The following DCC variants were observed in gnomAD, a reference collection of about 807,000 sequenced individuals.
DCC encodes DCC netrin 1 receptor.
In DCC, 58 loss-of-function variants were observed where a neutral mutation model predicts 172.5. That is an observed-to-expected ratio of 0.34 (90% confidence interval 0.27 to 0.42). The LOEUF (loss-of-function observed/expected upper bound fraction) is 0.42. DCC is among the 10% of genes least tolerant of loss of function. The pLI, the probability that DCC is intolerant of heterozygous loss-of-function variation, is 1.00. For missense variants in DCC, 1,740 were observed against 1,791.0 expected (o/e 0.97, Z 0.51); for synonymous variants, 709 against 644.5 (o/e 1.10, Z -1.52).
intron 2 of DCC, among the ~76,000 whole-genome samples, chr18:52,856,391 C>T (rs891808385): frequency 2.6e-5 from 4 of 151,194 alleles, no homozygotes; most frequent in Admixed American, 1.3e-4. Flanking sequence ...TTTGGGAGGC[C>T]GAGGCGGGCG....
chr18:53,311,115 T>C (rs2057261966), intron 13 of DCC, among the ~76,000 whole-genome samples: 1 of 111,204 alleles, frequency 9.0e-6, no homozygotes, highest in South Asian at 3.8e-4. Flanking sequence ...ATTTATTTAT[T>C]TATTTTATTT....
chr18:52,389,094 C>T (rs141424201), intron 1 of DCC, among the ~76,000 whole-genome samples: 142 of 152,184 alleles, frequency 9.3e-4, no homozygotes, highest in Non-Finnish European at 1.6e-3. Flanking sequence ...TGGCTGCATA[C>T]GCACAGGGTG....
At chr18:52,714,610 A>G (rs2145062039) in intron 1 of DCC, among the ~76,000 whole-genome samples, 1 of 152,298 alleles carries the variant, frequency 6.6e-6, no homozygotes, top group Admixed American at 6.5e-5. Context: ...TTGGATAAGC[A>G]TCTCATCCAT....
chr18:52,506,050 A>G (rs1405904270), intron 1 of DCC, among the ~76,000 whole-genome samples: 2 of 152,176 alleles, frequency 1.3e-5, no homozygotes, highest in African/African-American at 2.4e-5. Flanking sequence ...TATTAATGTG[A>G]TCATAGCATC....
intron 2 of DCC, among the ~76,000 whole-genome samples, chr18:52,882,927 G>T (rs564593339): frequency 6.6e-6 from 1 of 151,978 alleles, no homozygotes; most frequent in Admixed American, 6.6e-5. Context: ...TATATGTCTG[G>T]GTGCTCCCAC....
chr18:52,977,740 C>T (rs55704566), intron 5 of DCC, among the ~76,000 whole-genome samples: 21,091 of 151,614 alleles, frequency 0.14, 1,727 homozygotes, highest in East Asian at 0.34. Flanking sequence ...AAAAAATTAG[C>T]CGGACGTGGT....
At chr18:53,465,853 C>T (rs2045613940) in intron 24 of DCC, among the ~76,000 whole-genome samples, 1 of 152,064 alleles carries the variant, frequency 6.6e-6, no homozygotes, top group South Asian at 2.1e-4. Context: ...CAATCTCCGC[C>T]TCCCAGGTTC....
chr18:52,399,409 A>C (rs938599623), intron 1 of DCC, among the ~76,000 whole-genome samples: 1 of 151,934 alleles, frequency 6.6e-6, no homozygotes, highest in Non-Finnish European at 1.5e-5. Context: ...TTTGTTATTT[A>C]AACACATATC....
At chr18:52,488,042 T>C (rs2030318474) in intron 1 of DCC, among the ~76,000 whole-genome samples, 1 of 152,062 alleles carries the variant, frequency 6.6e-6, no homozygotes, top group Non-Finnish European at 1.5e-5. Flanking sequence ...CCCAATCAAA[T>C]GTTCCCTTAA....
At chr18:52,696,915 T>A (rs1442003985) in intron 1 of DCC, among the ~76,000 whole-genome samples, 3 of 152,136 alleles carry the variant, frequency 2.0e-5, no homozygotes, top group Non-Finnish European at 4.4e-5. Flanking sequence ...GATTCCATAA[T>A]TTTTAATTCT....
At chr18:53,030,887 A>G (rs1461546420) in intron 5 of DCC, among the ~76,000 whole-genome samples, 1 of 152,166 alleles carries the variant, frequency 6.6e-6, no homozygotes, top group African/African-American at 2.4e-5. Flanking sequence ...AATTTTATCT[A>G]TCACCTTCTT....
chr18:52,908,163 G>A (rs2039918704), intron 3 of DCC, among the ~76,000 whole-genome samples: 1 of 152,150 alleles, frequency 6.6e-6, no homozygotes, highest in South Asian at 2.1e-4. Context: ...AAGTACTTCA[G>A]CTATGCAGAG....
chr18:53,367,488 AT>A (rs1316107693), intron 15 of DCC, among the ~76,000 whole-genome samples: 1 of 152,076 alleles, frequency 6.6e-6, no homozygotes, highest in East Asian at 1.9e-4. Context: ...CATAGATATC[AT>A]TTTTTTCCAT....
chr18:53,279,761 A>G (rs1185118496), intron 12 of DCC, among the ~76,000 whole-genome samples: 3 of 152,166 alleles, frequency 2.0e-5, no homozygotes, highest in Non-Finnish European at 4.4e-5. Context: ...ATCATAAAAA[A>G]GAATGAGATC....
At chr18:52,604,306 C>T (rs2034085012) in intron 1 of DCC, among the ~76,000 whole-genome samples, 1 of 152,094 alleles carries the variant, frequency 6.6e-6, no homozygotes, top group Non-Finnish European at 1.5e-5. Context: ...AGTCAGAAAG[C>T]TTCTCAAGGA....
intron 5 of DCC, among the ~76,000 whole-genome samples, chr18:52,996,666 G>A (rs1225282631): frequency 2.6e-5 from 4 of 151,254 alleles, no homozygotes; most frequent in African/African-American, 9.7e-5. Context: ...TATTTAAAAA[G>A]TAAAACAAAA....
intron 1 of DCC, among the ~76,000 whole-genome samples, chr18:52,493,977 T>C (rs2030633636): frequency 6.6e-6 from 1 of 152,134 alleles, no homozygotes; most frequent in South Asian, 2.1e-4. Context: ...TGTTTCCTTC[T>C]GCTTAAAGAA....
intron 2 of DCC, among the ~76,000 whole-genome samples, chr18:52,854,836 A>T (rs2032256): frequency 6.6e-6 from 1 of 152,070 alleles, no homozygotes; most frequent in East Asian, 1.9e-4. Flanking sequence ...ACCCATTAAC[A>T]TTGGGCATGC....
intron 1 of DCC, among the ~76,000 whole-genome samples, chr18:52,475,226 T>TA (rs2144569617): frequency 6.6e-6 from 1 of 152,302 alleles, no homozygotes; most frequent in South Asian, 2.1e-4. Flanking sequence ...CCCTTTCTAC[T>TA]AACTTCCAGA....
Sources: gnomAD v4.1 joint callset for allele counts (sites outside exome capture counted in the v4.1 genomes callset) on GRCh38, gnomAD v4.1.1 for gene constraint, MANE v1.5 for transcripts, NCBI Gene and HGNC (gene_info 2026-07-23, HGNC 2026-07-21) for gene names.